FGF12: variants seen among roughly 807,000 people sequenced by gnomAD.
The protein encoded by FGF12 is fibroblast growth factor 12B.
A neutral mutation model predicts 23.6 loss-of-function variants in FGF12; 14 were observed. The observed-to-expected ratio is 0.59, with a 90% CI of 0.39 to 0.93. The LOEUF is 0.93. Among genes scored for constraint, FGF12 ranks in the 40% least tolerant of loss-of-function variants. FGF12 has a pLI of 0.00. For synonymous variants in FGF12, 62 were observed against 77.3 expected, an observed-to-expected ratio of 0.80 and a Z score of 1.04; for missense variants, 175 against 217.8, an observed-to-expected ratio of 0.80 and a Z score of 1.24.
chr3:192,672,638 C>T (rs1717168221), intron 2 of FGF12, among the ~76,000 whole-genome samples: 1 of 151,028 alleles, frequency 6.6e-6, no homozygotes, highest in African/African-American at 2.4e-5. Flanking sequence ...CAAAAGAGCA[C>T]AAGAGTAGAC....
At chr3:192,702,794 T>C (rs1231463077) in intron 2 of FGF12, among the ~76,000 whole-genome samples, 3 of 152,076 alleles carry the variant, frequency 2.0e-5, no homozygotes, top group African/African-American at 7.2e-5. Flanking sequence ...CAAGACTCTG[T>C]TAAAAAATAA....
chr3:192,400,078 C>T (rs963589855), intron 2 of FGF12, among the ~76,000 whole-genome samples: 9 of 152,168 alleles, frequency 5.9e-5, no homozygotes, highest in African/African-American at 2.2e-4. Context: ...GTTGGTGAAT[C>T]TTCAAATGCA....
chr3:192,564,738 C>A (rs1461152729), intron 2 of FGF12, among the ~76,000 whole-genome samples: 2 of 152,184 alleles, frequency 1.3e-5, no homozygotes, highest in Admixed American at 1.3e-4. Flanking sequence ...GCTTGACATT[C>A]TGCATTCCAC....
chr3:192,408,465 G>T lies in FGF12; in HGVS notation c.14-47927C>A. 1.5e-6 allele frequency: 2 copies of T among 1,356,050 alleles called. No homozygotes were observed. The highest frequency in any genetic ancestry group is 9.4e-7 in the Non-Finnish European group (1 of 1,058,282). 84.0% of individuals were successfully genotyped at this position (1,356,050 alleles called of 1,614,324 possible). A position where few individuals can be genotyped will look rare whatever the true frequency, so the allele number is the denominator to read the frequency against. ...TTCCCCAACCTCTGGCGGCCGGGGGGCGGGGCGGGGCGGTCCCAGGCCCTC... is the reference window on the plus strand; with the variant it reads ...TTCCCCAACCTCTGGCGGCCGGGGGTCGGGGCGGGGCGGTCCCAGGCCCTC... On this transcript the variant is annotated intron_variant, in intron 2 of 5. Transcript: ENST00000445105. This position sits in a 1 kb window ranked among gnomAD's most constrained non-coding sequence, Gnocchi z 7.3.
intron 4 of FGF12, among the ~76,000 whole-genome samples, chr3:192,239,159 C>A (rs932108434): frequency 2.0e-5 from 3 of 152,164 alleles, no homozygotes; most frequent in African/African-American, 7.2e-5. Flanking sequence ...CAAAAAATAT[C>A]TGCAGGATAC....
intron 2 of FGF12, among the ~76,000 whole-genome samples, chr3:192,387,923 CTTTGAAG>C (rs1334622168): frequency 6.6e-6 from 1 of 151,830 alleles, no homozygotes; most frequent in Non-Finnish European, 1.5e-5. Flanking sequence ...AATGTCATGA[CTTTGAAG>C]TTTGATTATA....
rs139898049 is a variant in FGF12 at position 192,559,069 on chromosome 3, A to G, written c.13+168112T>C. Among the ~76,000 whole-genome samples the G allele has an allele frequency of 3.2e-3, 491 of 152,104 alleles. 4 individuals are homozygous for G. The highest frequency in any genetic ancestry group is 0.011 in the African/African-American group (469 of 41,556). ...ATTTCATTAATTTGACGCTGAAAATACAGACAACAAAAGCAAAAATAGACA... is the reference window on the plus strand; with the variant it reads ...ATTTCATTAATTTGACGCTGAAAATGCAGACAACAAAAGCAAAAATAGACA... On this transcript the variant is annotated intron_variant, in intron 2 of 5. Transcript: ENST00000445105.
At chr3:192,668,002 T>C (rs986698665) in intron 2 of FGF12, among the ~76,000 whole-genome samples, 1 of 152,204 alleles carries the variant, frequency 6.6e-6, no homozygotes, top group Non-Finnish European at 1.5e-5. Flanking sequence ...AATGGTTAGC[T>C]ATAAAGATGT....
At chr3:192,605,684 C>A (rs925508788) in intron 2 of FGF12, among the ~76,000 whole-genome samples, 5 of 151,986 alleles carry the variant, frequency 3.3e-5, no homozygotes, top group Admixed American at 2.0e-4. Context: ...AAAGGCCCAA[C>A]AAAAACAGAA....
intron 2 of FGF12, among the ~76,000 whole-genome samples, chr3:192,392,068 C>A (rs1720314980): frequency 1.3e-5 from 2 of 152,182 alleles, no homozygotes; most frequent in Non-Finnish European, 1.5e-5. Flanking sequence ...ATCTGCATTT[C>A]ACAAGTTTGA....
At chr3:192,649,435 T>C (rs1280303089) in intron 2 of FGF12, among the ~76,000 whole-genome samples, 2 of 152,214 alleles carry the variant, frequency 1.3e-5, no homozygotes, top group African/African-American at 4.8e-5. Flanking sequence ...TAATTCTTAA[T>C]TCATAGGGTG....
chr3:192,214,796 A>G (rs570072333), intron 4 of FGF12, among the ~76,000 whole-genome samples: 2 of 152,356 alleles, frequency 1.3e-5, no homozygotes, highest in East Asian at 3.9e-4. Flanking sequence ...ATCACATAAG[A>G]ATGTTTGGAG....
At chr3:192,319,900 T>C (rs945602932) in intron 4 of FGF12, among the ~76,000 whole-genome samples, 1 of 151,082 alleles carries the variant, frequency 6.6e-6, no homozygotes, top group Non-Finnish European at 1.5e-5. Flanking sequence ...GAAAATCACC[T>C]CCACTAAAAG....
intron 2 of FGF12, among the ~76,000 whole-genome samples, chr3:192,391,937 T>C (rs552837343): frequency 6.6e-6 from 1 of 152,166 alleles, no homozygotes; most frequent in Non-Finnish European, 1.5e-5. Flanking sequence ...AGAGGCTGTA[T>C]TGCATAAGCA....
intron 4 of FGF12, among the ~76,000 whole-genome samples, chr3:192,265,879 G>C (rs1025436633): frequency 6.6e-6 from 1 of 152,124 alleles, no homozygotes; most frequent in African/African-American, 2.4e-5. Context: ...AAATATGGCA[G>C]TGACTCTGTT....
intron 5 of FGF12, among the ~76,000 whole-genome samples, chr3:192,154,988 C>T (rs1188858380): frequency 1.3e-4 from 18 of 139,808 alleles, no homozygotes; most frequent in East Asian, 4.2e-4. Context: ...TAGGACCCTC[C>T]GAGCCAGGTG....
chr3:192,536,678 G>A (rs1261079641), intron 2 of FGF12, among the ~76,000 whole-genome samples: 1 of 151,656 alleles, frequency 6.6e-6, no homozygotes, highest in African/African-American at 2.4e-5. Flanking sequence ...TAGTTTTTGT[G>A]GGTACATACT....
At chr3:192,591,175 C>T (rs574433290) in intron 2 of FGF12, among the ~76,000 whole-genome samples, 1 of 151,434 alleles carries the variant, frequency 6.6e-6, no homozygotes, top group South Asian at 2.1e-4. Context: ...TTCATAGGCA[C>T]AGTCGGACCA....
At chr3:192,563,965 A>G (rs1177242292) in intron 2 of FGF12, among the ~76,000 whole-genome samples, 1 of 152,164 alleles carries the variant, frequency 6.6e-6, no homozygotes, top group Non-Finnish European at 1.5e-5. Flanking sequence ...GTATGCCTAC[A>G]TTTTTCAGTG....
Sources: gnomAD v4.1 joint callset for allele counts (sites outside exome capture counted in the v4.1 genomes callset) on GRCh38, gnomAD v4.1.1 for gene constraint, Gnocchi (gnomAD v3.1) non-coding constraint, MANE v1.5 for transcripts, NCBI Gene and HGNC (gene_info 2026-07-23, HGNC 2026-07-21) for gene names.